ABI1: variants seen among roughly 807,000 people sequenced by gnomAD.
ABI1 encodes Abelson interactor 1.
Under a neutral mutation model 54.6 loss-of-function variants are expected in ABI1, and 14 were observed. The ratio of observed to expected loss-of-function variants is 0.26; its 90% CI spans 0.17 to 0.40. The LOEUF (loss-of-function observed/expected upper bound fraction) is 0.40. ABI1 is among the 10% of genes least tolerant of loss of function. The pLI, the probability that ABI1 is intolerant of heterozygous loss-of-function variation, is 1.00. For synonymous variants in ABI1, 194 were observed against 209.3 expected, an observed-to-expected ratio of 0.93 and a Z score of 0.63; for missense variants, 443 against 598.3, an observed-to-expected ratio of 0.74 and a Z score of 2.71.
chr10:26,828,457 TAA>T (rs1230667275), intron 1 of ABI1, among the ~76,000 whole-genome samples: 1 of 152,126 alleles, frequency 6.6e-6, no homozygotes, highest in Non-Finnish European at 1.5e-5. Flanking sequence ...CTTCAATTTG[TAA>T]AACACGCAGT....
chr10:26,818,623 C>A (rs559473160), intron 2 of ABI1, among the ~76,000 whole-genome samples: 188 of 106,456 alleles, frequency 1.8e-3, no homozygotes, highest in African/African-American at 6.9e-3. Flanking sequence ...CAAAGCGAGA[C>A]CCCGTCACAA....
intron 1 of ABI1, among the ~76,000 whole-genome samples, chr10:26,825,370 A>T (rs1177221431): frequency 6.6e-6 from 1 of 151,786 alleles, no homozygotes; most frequent in African/African-American, 2.4e-5. Flanking sequence ...TGAAAAAAAA[A>T]TTTTTTTTGG....
At chr10:26,764,213 CT>C (rs1252539717) in intron 7 of ABI1, among the ~76,000 whole-genome samples, 1 of 152,060 alleles carries the variant, frequency 6.6e-6, no homozygotes, top group Admixed American at 6.6e-5. Flanking sequence ...CTAAGAATTT[CT>C]TTCCTAACAT....
At chr10:26,829,091 T>C (rs1173645967) in intron 1 of ABI1, among the ~76,000 whole-genome samples, 1 of 152,034 alleles carries the variant, frequency 6.6e-6, no homozygotes, top group African/African-American at 2.4e-5. Flanking sequence ...CCGGGCGCAG[T>C]GGCAGGCGCC....
chr10:26,796,015 G>A (rs764469045), intron 2 of ABI1, among the ~76,000 whole-genome samples: 2 of 152,032 alleles, frequency 1.3e-5, no homozygotes, highest in Non-Finnish European at 2.9e-5. Flanking sequence ...CAAAAGCTTC[G>A]TAGGTCTAAG....
chr10:26,764,066 C>T (rs1393156526), intron 7 of ABI1: 1 of 779,914 alleles, frequency 1.3e-6, no homozygotes, highest in Admixed American at 3.1e-5. Flanking sequence ...AAAAAAGATA[C>T]CCCCATGTAA....
chr10:26,802,694 G>A (rs1405769410), intron 2 of ABI1, among the ~76,000 whole-genome samples: 3 of 152,136 alleles, frequency 2.0e-5, no homozygotes, highest in African/African-American at 2.4e-5. Context: ...GGCAAGGGGT[G>A]GGAGAGATTA....
At chr10:26,814,892 TTTTG>T (rs1225144916) in intron 2 of ABI1, among the ~76,000 whole-genome samples, 4 of 152,206 alleles carry the variant, frequency 2.6e-5, no homozygotes, top group East Asian at 1.9e-4. Context: ...TGGAGATGAT[TTTTG>T]TTTGTTTTAG....
intron 1 of ABI1, among the ~76,000 whole-genome samples, chr10:26,827,274 T>C (rs1432011951): frequency 6.6e-6 from 1 of 150,604 alleles, no homozygotes; most frequent in Non-Finnish European, 1.5e-5. Context: ...CAGGCTGGAG[T>C]GCAGTGGCGT....
intron 7 of ABI1, among the ~76,000 whole-genome samples, chr10:26,760,735 C>T (rs1339165093): frequency 6.6e-6 from 1 of 151,776 alleles, no homozygotes; most frequent in African/African-American, 2.4e-5. Context: ...ACTAAAAATA[C>T]AACAATTAGC....
In ABI1 at chr10:26,751,695, T is replaced by C; in HGVS notation, c.1173A>G (p.Pro391=). 6.3e-7 allele frequency: 1 copy of C among 1,597,956 alleles called. No homozygotes were observed. The highest frequency in any genetic ancestry group is 1.1e-5 in the South Asian group (1 of 90,324). The change falls in exon 10 of 11, where the codon CCA becomes CCG. Residue 391 remains proline (P), a synonymous_variant. Transcript: ENST00000376140. ...DDSPPPPPPP[P]VDYEDEEAAV... is the part of the protein sequence containing the mutation. ...CAGCCTCCTCATCTTCATAATCCAC[T>C]GGTGGTGGTGGTGGGGGAGGTGGAG...
At chr10:26,751,413 CAAAG>C (rs1335617371) in intron 10 of ABI1, among the ~76,000 whole-genome samples, 181 bp downstream of exon 10, 6 of 135,184 alleles carry the variant, frequency 4.4e-5, no homozygotes, top group Admixed American at 1.5e-4. Flanking sequence ...ATTTAAAATA[CAAAG>C]AAAGAATCCC....
chr10:26,844,617 T>C (rs1030231457), intron 1 of ABI1, among the ~76,000 whole-genome samples: 3 of 152,278 alleles, frequency 2.0e-5, no homozygotes, highest in Non-Finnish European at 2.9e-5. Context: ...ATCAATTCAA[T>C]TGTGGAGGAG....
At chr10:26,761,661 T>TACATACACAC (rs1554806656) in intron 7 of ABI1, among the ~76,000 whole-genome samples, 2 of 78,940 alleles carry the variant, frequency 2.5e-5, no homozygotes, top group African/African-American at 1.0e-4. Flanking sequence ...TATATATATA[T>TACATACACAC]ACACACACAC....
chr10:26,790,148 A>T (rs894006248), intron 2 of ABI1, among the ~76,000 whole-genome samples: 3 of 152,264 alleles, frequency 2.0e-5, no homozygotes, highest in Non-Finnish European at 4.4e-5. Flanking sequence ...GTATACACCC[A>T]GTAATGGGAT....
At chr10:26,750,575 C>G (rs1308611579) in intron 10 of ABI1, among the ~76,000 whole-genome samples, 1 of 152,206 alleles carries the variant, frequency 6.6e-6, no homozygotes, top group Non-Finnish European at 1.5e-5. Context: ...TGCTGCTGGT[C>G]TCAAGAGCTA....
Position 26,751,506 on chromosome 10 carries a change from G to T in ABI1, c.1270+92C>A, listed in dbSNP as rs1837626163. On this transcript the variant is annotated intron_variant, in intron 10 of 10. Transcript: ENST00000376140. ...CTTGGTTGGTAAGGCAGTTTAAAAG[G>T]CTGAGAAACATTGGATTAGATGTTC... is the stretch of plus-strand genomic sequence containing the variant. 27 of 1,308,412 alleles carry T rather than the reference G, an allele frequency of 2.1e-5. 1 individual carries two copies. The South Asian group carries it at 4.1e-4, about 20-fold the overall frequency. 81.1% of individuals were successfully genotyped at this position (1,308,412 alleles called of 1,614,324 possible). A position where few individuals can be genotyped will look rare whatever the true frequency, so the allele number is the denominator to read the frequency against.
chr10:26,766,781 G>A (rs1232339682), intron 6 of ABI1, among the ~76,000 whole-genome samples: 1 of 152,066 alleles, frequency 6.6e-6, no homozygotes. Context: ...TACTACCTGT[G>A]AGTTAAGAAT....
chr10:26,834,585 AC>A (rs2048913641), intron 1 of ABI1, among the ~76,000 whole-genome samples: 2 of 151,870 alleles, frequency 1.3e-5, no homozygotes, highest in South Asian at 2.1e-4. Context: ...ACACACACAC[AC>A]ACACACACAA....
Sources: allele counts gnomAD v4.1 joint callset (sites outside exome capture counted in the v4.1 genomes callset), GRCh38; gene constraint gnomAD v4.1.1; transcripts MANE v1.5; gene names NCBI Gene and HGNC (gene_info 2026-07-23, HGNC 2026-07-21).